The following MYRIP variants were observed in gnomAD, a reference collection of about 807,000 sequenced individuals.
MYRIP encodes the protein myosin VIIA and Rab interacting protein.
Under a neutral mutation model 98.0 loss-of-function variants are expected in MYRIP, and 49 were observed. That is an observed-to-expected ratio of 0.50 (90% CI 0.40 to 0.63). The LOEUF is 0.63. Ranked by LOEUF, MYRIP falls within the 30% of genes least tolerant of loss-of-function variation. The pLI is 0.00. For missense variants in MYRIP, 1,004 were observed against 1,058.2 expected, an observed-to-expected ratio of 0.95 and a Z score of 0.71; for synonymous variants, 404 against 409.5, an observed-to-expected ratio of 0.99 and a Z score of 0.16.
intron 2 of MYRIP, among the ~76,000 whole-genome samples, chr3:39,944,270 G>T (rs1013729770): frequency 1.3e-5 from 2 of 152,034 alleles, no homozygotes; most frequent in Non-Finnish European, 2.9e-5. Flanking sequence ...GTATATATTT[G>T]AGGTTATAAT....
At chr3:39,956,106 T>C (rs796814085) in intron 2 of MYRIP, among the ~76,000 whole-genome samples, 2 of 152,266 alleles carry the variant, frequency 1.3e-5, no homozygotes, top group East Asian at 3.9e-4. Context: ...ACTGTCAACA[T>C]TAGACAGATC....
chr3:39,931,341 T>C (rs1944531972), intron 2 of MYRIP, among the ~76,000 whole-genome samples: 1 of 152,106 alleles, frequency 6.6e-6, no homozygotes, highest in Non-Finnish European at 1.5e-5. Flanking sequence ...TGTTCATTGT[T>C]AGTATATATA....
intron 11 of MYRIP, among the ~76,000 whole-genome samples, chr3:40,218,624 A>C (rs1388577709): frequency 2.4e-4 from 3 of 12,270 alleles, no homozygotes; most frequent in Non-Finnish European, 6.4e-4. Flanking sequence ...ATATATATAT[A>C]TATATATATA....
chr3:39,889,179 G>T (rs1049243509), intron 1 of MYRIP, among the ~76,000 whole-genome samples: 4 of 152,194 alleles, frequency 2.6e-5, no homozygotes, highest in African/African-American at 9.7e-5. Context: ...CCATTACTGG[G>T]TATATACCTA....
At chr3:40,224,423 A>G (rs1952432846) in intron 11 of MYRIP, among the ~76,000 whole-genome samples, 1 of 152,156 alleles carries the variant, frequency 6.6e-6, no homozygotes, top group African/African-American at 2.4e-5. Flanking sequence ...GCAAAAAAAA[A>G]AAAAAAGATC....
At chr3:39,950,321 G>A (rs565901777) in intron 2 of MYRIP, among the ~76,000 whole-genome samples, 1 of 152,132 alleles carries the variant, frequency 6.6e-6, no homozygotes, top group Non-Finnish European at 1.5e-5. Context: ...TTTTATCAAG[G>A]CCATTCACAA....
At chr3:39,897,532 G>T (rs1242361749) in intron 1 of MYRIP, among the ~76,000 whole-genome samples, 1 of 152,212 alleles carries the variant, frequency 6.6e-6, no homozygotes, top group Non-Finnish European at 1.5e-5. Context: ...CACCGGTCTG[G>T]AAGTTAGGAG....
chr3:40,047,262 TG>T (rs2125835161), intron 3 of MYRIP, among the ~76,000 whole-genome samples: 1 of 152,338 alleles, frequency 6.6e-6, no homozygotes, highest in Admixed American at 6.5e-5. Context: ...AGCAACTTAA[TG>T]AGGAGGCAGG....
chr3:39,914,336 T>C (rs1944101065), intron 2 of MYRIP, among the ~76,000 whole-genome samples: 1 of 152,132 alleles, frequency 6.6e-6, no homozygotes, highest in African/African-American at 2.4e-5. Flanking sequence ...TCAAAAATTT[T>C]AAGTGCTATA....
At chr3:40,234,289 G>A (rs897828445) in intron 12 of MYRIP, among the ~76,000 whole-genome samples, 8 of 152,170 alleles carry the variant, frequency 5.3e-5, no homozygotes, top group African/African-American at 1.7e-4. Context: ...GGCTGGTAAG[G>A]GAATGGGGAA....
intron 3 of MYRIP, among the ~76,000 whole-genome samples, chr3:40,110,452 C>T (rs966150243): frequency 5.3e-5 from 8 of 152,292 alleles, no homozygotes; most frequent in African/African-American, 1.9e-4. Context: ...TAAGAGAAAT[C>T]AAGAGTAGAA....
chr3:40,204,235 A>AAATTT (rs1553626938), intron 10 of MYRIP, among the ~76,000 whole-genome samples: 1,926 of 26,668 alleles, frequency 0.072, 459 homozygotes, highest in Non-Finnish European at 0.1. Context: ...ATATATATAT[A>AAATTT]TTTTTTTTTT....
intron 3 of MYRIP, among the ~76,000 whole-genome samples, chr3:40,069,598 TC>T (rs1948185453): frequency 6.6e-6 from 1 of 152,070 alleles, no homozygotes; most frequent in Non-Finnish European, 1.5e-5. Context: ...ATTCCTTTCC[TC>T]CCCCAGCTCC....
intron 2 of MYRIP, among the ~76,000 whole-genome samples, chr3:39,963,352 C>G (rs2125735499): frequency 6.6e-6 from 1 of 152,258 alleles, no homozygotes; most frequent in Non-Finnish European, 1.5e-5. Flanking sequence ...GTGAGGATAA[C>G]TCACTTTATT....
intron 2 of MYRIP, among the ~76,000 whole-genome samples, chr3:39,934,939 C>G (rs915794005): frequency 1.4e-4 from 21 of 152,164 alleles, no homozygotes; most frequent in African/African-American, 5.1e-4. Flanking sequence ...CTCGCTGATA[C>G]TATGTCTTCC....
At chr3:39,832,556 C>T (rs1918026) in intron 1 of MYRIP, among the ~76,000 whole-genome samples, 97,546 of 152,056 alleles carry the variant, frequency 0.64, 31,652 homozygotes, top group African/African-American at 0.73. Context: ...ATGGGGAGTT[C>T]GGAGCACGTA....
chr3:40,134,106 G>A lies in MYRIP; in HGVS notation c.333-16942G>A, dbSNP rs139542570. On this transcript the variant is annotated intron_variant, in intron 3 of 16. Transcript: ENST00000302541. ...CGAGGCATTGCCACACCCGGGAAGC[G>A]CAAGAAATCAGGGAATTCCCTTTCC... Among the ~76,000 whole-genome samples, 357 of 152,318 alleles carry A rather than the reference G, an allele frequency of 2.3e-3. 2 individuals carry two copies. The highest frequency in any genetic ancestry group is 7.7e-3 in the African/African-American group (319 of 41,566).
chr3:40,255,746 T>TATC (rs914272749), intron 16 of MYRIP, among the ~76,000 whole-genome samples: 16 of 152,280 alleles, frequency 1.1e-4, no homozygotes, highest in Admixed American at 8.5e-4. Context: ...AAAACTCCCT[T>TATC]ATCAGCCTTT....
intron 3 of MYRIP, among the ~76,000 whole-genome samples, chr3:40,145,142 G>A (rs1171776049): frequency 1.3e-5 from 2 of 152,304 alleles, no homozygotes; most frequent in Non-Finnish European, 1.5e-5. Flanking sequence ...ATTAAGTAAT[G>A]TGCTCAAGAC....
Sources: gnomAD v4.1 joint callset for allele counts (sites outside exome capture counted in the v4.1 genomes callset) on GRCh38, gnomAD v4.1.1 for gene constraint, MANE v1.5 for transcripts, NCBI Gene and HGNC (gene_info 2026-07-23, HGNC 2026-07-21) for gene names.